The following ANKS1B variants were observed in gnomAD, a reference collection of about 807,000 sequenced individuals.
ANKS1B encodes ankyrin repeat and sterile alpha motif domain-containing protein 1B.
In ANKS1B, 36 loss-of-function variants were observed where a neutral mutation model predicts 148.3. The ratio of observed to expected loss-of-function variants is 0.24; its 90% confidence interval spans 0.19 to 0.32. The LOEUF (loss-of-function observed/expected upper bound fraction) is 0.32, where lower values mean the gene tolerates loss of function less well. Ranked by LOEUF, ANKS1B falls within the 10% of genes least tolerant of loss-of-function variation. The pLI, the probability that ANKS1B is intolerant of heterozygous loss-of-function variation, is 1.00. For missense variants in ANKS1B, 1,157 were observed against 1,542.6 expected (o/e 0.75, Z 4.19); for synonymous variants, 542 against 560.8 (o/e 0.97, Z 0.47).
intron 9 of ANKS1B, among the ~76,000 whole-genome samples, chr12:99,566,018 C>T (rs901104433): frequency 3.3e-5 from 5 of 152,124 alleles, no homozygotes; most frequent in African/African-American, 7.2e-5. Context: ...GTACTGAATA[C>T]GCTGACATTT....
At chr12:99,896,413 T>C (rs1322481589) in intron 1 of ANKS1B, among the ~76,000 whole-genome samples, 2 of 151,174 alleles carry the variant, frequency 1.3e-5, no homozygotes, top group African/African-American at 2.4e-5. Flanking sequence ...TTCATGTTGT[T>C]ACAAATGGCA....
At chr12:98,874,343 T>C (rs1172092055) in intron 17 of ANKS1B, among the ~76,000 whole-genome samples, 1 of 152,188 alleles carries the variant, frequency 6.6e-6, no homozygotes, top group Non-Finnish European at 1.5e-5. Flanking sequence ...GCTTTTCTGA[T>C]GGAATTACAG....
Position 98,829,446 on chromosome 12 carries a change from G to T in ANKS1B, c.2887-93C>A. ...AATACTGACAAGACAAACTGTGGGG[G>T]TGGGGAGTCGCTTTTGAAGCAACAG... On this transcript the variant is annotated intron_variant, in intron 18 of 26. Coordinates refer to ENST00000683438, the MANE Select transcript of ANKS1B (RefSeq NM_001352186.2). This position sits in a 1 kb window ranked among gnomAD's most constrained non-coding sequence, Gnocchi z 5.2. The T allele has an allele frequency of 7.8e-7, 1 of 1,284,332 alleles. No individual in the cohort carries two copies. The highest frequency in any genetic ancestry group is 1.1e-6 in the Non-Finnish European group (1 of 931,402). The allele number at this position is 1,284,332 out of a possible 1,614,324, so 79.6% of individuals were successfully genotyped here.
At chr12:99,644,755 G>C (rs1326734703) in intron 9 of ANKS1B, among the ~76,000 whole-genome samples, 1 of 152,168 alleles carries the variant, frequency 6.6e-6, no homozygotes, top group Non-Finnish European at 1.5e-5. Flanking sequence ...TAGTTCTCAA[G>C]GTCAAAGTCT....
intron 25 of ANKS1B, among the ~76,000 whole-genome samples, chr12:98,769,632 A>G (rs763678007): frequency 1.3e-5 from 2 of 152,200 alleles, no homozygotes; most frequent in Non-Finnish European, 2.9e-5. Flanking sequence ...TCACCTCAGT[A>G]TTCTGGTGAT....
Position 99,403,921 on chromosome 12 carries a change from T to C in ANKS1B, c.1576-4110A>G, listed in dbSNP as rs190654144. Among the ~76,000 whole-genome samples, 28 of 146,320 alleles carry C rather than the reference T, an allele frequency of 1.9e-4. 3 individuals carry two copies. Among genetic ancestry groups the C allele is most frequent in the Admixed American group, 1.7e-3 (25 of 14,750 alleles). On this transcript the variant is annotated intron_variant, in intron 11 of 26. Transcript: ENST00000683438. ...CACAACGGCAAAGACATGGAATCAATCTAAATGCCCATCAGTGATAGACTG... is the reference window on the plus strand; with the variant it reads ...CACAACGGCAAAGACATGGAATCAACCTAAATGCCCATCAGTGATAGACTG...
At chr12:98,772,871 T>C (rs1171221500) in intron 25 of ANKS1B, 171 bp downstream of exon 25, 2 of 657,248 alleles carry the variant, frequency 3.0e-6, no homozygotes, top group Non-Finnish European at 4.9e-6. Context: ...TTTAAGCCTC[T>C]CGGTCTGTGG....
chr12:98,957,993 TG>T (rs1330454407), intron 17 of ANKS1B, among the ~76,000 whole-genome samples: 1 of 151,912 alleles, frequency 6.6e-6, no homozygotes, highest in African/African-American at 2.4e-5. Flanking sequence ...AGATGGGAGG[TG>T]GGTAATGAGG....
chr12:98,787,205 C>CAA (rs1163112032), intron 22 of ANKS1B, among the ~76,000 whole-genome samples: 14 of 152,254 alleles, frequency 9.2e-5, no homozygotes, highest in Non-Finnish European at 1.8e-4. Flanking sequence ...TGTGGGATTA[C>CAA]AAGAGATAAA....
At chr12:99,660,220 C>G (rs986145339) in intron 8 of ANKS1B, among the ~76,000 whole-genome samples, 1 of 152,098 alleles carries the variant, frequency 6.6e-6, no homozygotes, top group Non-Finnish European at 1.5e-5. Flanking sequence ...GCTTTCCTAG[C>G]CTCGGTCCCA....
intron 9 of ANKS1B, among the ~76,000 whole-genome samples, chr12:99,653,678 C>CTTTTTTTTTTTTTTTTTT (rs199988255): frequency 1.8e-5 from 2 of 113,584 alleles, no homozygotes; most frequent in Non-Finnish European, 3.7e-5. Context: ...TTCTTTCTTT[C>CTTTTTTTTTTTTTTTTTT]TTTTTTTTTT....
At chr12:99,500,492 C>T (rs1025555412) in intron 10 of ANKS1B, among the ~76,000 whole-genome samples, 1 of 152,090 alleles carries the variant, frequency 6.6e-6, no homozygotes, top group African/African-American at 2.4e-5. Flanking sequence ...TTGAACAGCC[C>T]GAGATCATAA....
intron 17 of ANKS1B, among the ~76,000 whole-genome samples, chr12:99,034,369 G>A (rs538412998): frequency 6.6e-6 from 1 of 152,168 alleles, no homozygotes; most frequent in African/African-American, 2.4e-5. Flanking sequence ...AGGCTGGAGT[G>A]CAATGGCACA....
intron 12 of ANKS1B, among the ~76,000 whole-genome samples, chr12:99,330,641 T>C (rs1566907040): frequency 1.3e-5 from 2 of 152,058 alleles, no homozygotes; most frequent in Non-Finnish European, 2.9e-5. Context: ...AAAGATACAT[T>C]GCTTGCACTG....
chr12:99,809,976 A>T (rs2068127390), intron 3 of ANKS1B, among the ~76,000 whole-genome samples: 1 of 152,066 alleles, frequency 6.6e-6, no homozygotes, highest in Non-Finnish European at 1.5e-5. Context: ...TATAGTAGCA[A>T]CAGTAATCTA....
intron 15 of ANKS1B, among the ~76,000 whole-genome samples, chr12:99,132,847 T>C (rs1218003004): frequency 6.6e-6 from 1 of 152,260 alleles, no homozygotes; most frequent in Non-Finnish European, 1.5e-5. Context: ...TGGCCACTCA[T>C]ATAGCAGGTA....
chr12:98,883,415 G>C (rs2099720922), intron 17 of ANKS1B, among the ~76,000 whole-genome samples: 1 of 152,154 alleles, frequency 6.6e-6, no homozygotes, highest in African/African-American at 2.4e-5. Flanking sequence ...ATATGACGAT[G>C]GTCACATGAG....
intron 17 of ANKS1B, among the ~76,000 whole-genome samples, chr12:99,011,406 A>G (rs1467743382): frequency 6.6e-6 from 1 of 152,208 alleles, no homozygotes; most frequent in Admixed American, 6.5e-5. Context: ...CAGAATAGCT[A>G]TTTTGGAATT....
At chr12:98,838,891 T>C (rs1030564192) in intron 17 of ANKS1B, among the ~76,000 whole-genome samples, 4 of 152,124 alleles carry the variant, frequency 2.6e-5, no homozygotes, top group Non-Finnish European at 4.4e-5. Flanking sequence ...ATTGTCAAAG[T>C]TTTCCCCCCT....
Sources: gnomAD v4.1 joint callset for allele counts (sites outside exome capture counted in the v4.1 genomes callset) on GRCh38, gnomAD v4.1.1 for gene constraint, Gnocchi (gnomAD v3.1) non-coding constraint, MANE v1.5 for transcripts, NCBI Gene and HGNC (gene_info 2026-07-23, HGNC 2026-07-21) for gene names.